PTN: variants seen among roughly 807,000 people sequenced by gnomAD.
PTN encodes pleiotrophin.
A neutral mutation model predicts 24.1 loss-of-function variants in PTN; 18 were observed. The observed-to-expected ratio is 0.75, with a 90% CI of 0.52 to 1.11. The LOEUF is 1.11. Among genes scored for constraint, PTN ranks in the 50% least tolerant of loss-of-function variants. PTN has a pLI of 0.00. For synonymous variants in PTN, 78 were observed against 68.6 expected (o/e 1.14, Z -0.67); for missense variants, 163 against 198.8 (o/e 0.82, Z 1.08).
At chr7:137,267,899 G>T (rs757917522) in intron 1 of PTN, among the ~76,000 whole-genome samples, 1 of 151,996 alleles carries the variant, frequency 6.6e-6, no homozygotes, top group African/African-American at 2.4e-5. Flanking sequence ...GCATACCATG[G>T]GTGATCAGGC....
intron 1 of PTN, among the ~76,000 whole-genome samples, chr7:137,301,307 G>A (rs1175203068): frequency 6.6e-6 from 1 of 151,912 alleles, no homozygotes; most frequent in Non-Finnish European, 1.5e-5. Context: ...GCAGTGTAAA[G>A]ACCACAGGAA....
chr7:137,324,083 A>G (rs1383228902), intron 1 of PTN, among the ~76,000 whole-genome samples: 1 of 152,168 alleles, frequency 6.6e-6, no homozygotes, highest in Non-Finnish European at 1.5e-5. Context: ...GGTCTAGAAC[A>G]TAGAATCTAT....
intron 4 of PTN, chr7:137,236,067 G>A: frequency 1.5e-6 from 1 of 651,480 alleles, no homozygotes; most frequent in East Asian, 2.7e-5. Flanking sequence ...TAGTGAAGAT[G>A]AAATTACTTC....
intron 4 of PTN, among the ~76,000 whole-genome samples, chr7:137,243,737 T>C (rs1808673578): frequency 6.6e-6 from 1 of 152,122 alleles, no homozygotes; most frequent in Non-Finnish European, 1.5e-5. Context: ...GATTGGATAG[T>C]CCCTCAAGAA....
intron 1 of PTN, among the ~76,000 whole-genome samples, chr7:137,257,313 A>G (rs906008395): frequency 6.6e-6 from 1 of 152,190 alleles, no homozygotes; most frequent in Admixed American, 6.5e-5. Context: ...TTGCCCTTAA[A>G]GTAAAAATCG....
At chr7:137,251,156 G>C in intron 4 of PTN, 74 bp downstream of exon 4, 2 of 1,521,324 alleles carry the variant, frequency 1.3e-6, no homozygotes, top group Non-Finnish European at 1.8e-6. Flanking sequence ...TTTCCTTCTG[G>C]AAAATGTGGG....
chr7:137,316,996 T>G (rs1259944251), intron 1 of PTN, among the ~76,000 whole-genome samples: 1 of 152,184 alleles, frequency 6.6e-6, no homozygotes, highest in Non-Finnish European at 1.5e-5. Context: ...GCCTCTCCAT[T>G]GGAGGTGGGG....
chr7:137,295,967 G>T (rs1356995285), intron 1 of PTN, among the ~76,000 whole-genome samples: 1 of 151,970 alleles, frequency 6.6e-6, no homozygotes, highest in Non-Finnish European at 1.5e-5. Context: ...AGGGTCACTA[G>T]TACCTTGAGT....
chr7:137,264,708 T>C (rs1359653433), intron 1 of PTN, among the ~76,000 whole-genome samples: 2 of 152,210 alleles, frequency 1.3e-5, no homozygotes, highest in African/African-American at 4.8e-5. Flanking sequence ...TGCAGGGATT[T>C]TCACAGAGCA....
intron 1 of PTN, among the ~76,000 whole-genome samples, chr7:137,318,262 G>A (rs567502052): frequency 8.5e-5 from 13 of 152,180 alleles, no homozygotes; most frequent in African/African-American, 2.6e-4. Context: ...TGTGAGACTC[G>A]TCTTAATAAT....
At chr7:137,238,884 A>G (rs1395400301) in intron 4 of PTN, among the ~76,000 whole-genome samples, 5 of 152,344 alleles carry the variant, frequency 3.3e-5, no homozygotes, top group African/African-American at 1.2e-4. Context: ...AACTTAAAAC[A>G]CAAGCAGAAA....
At position 137,242,093 on chromosome 7, in the gene PTN, G is replaced by T. The variant is rs988002124; in HGVS notation, c.451+9137C>A. Among the ~76,000 whole-genome samples, 13 of 152,154 alleles carry T rather than the reference G, an allele frequency of 8.5e-5. 1 individual carries two copies. The highest frequency in any genetic ancestry group is 2.2e-4 in the African/African-American group (9 of 41,432). On this transcript the variant is annotated intron_variant, in intron 4 of 4. Coordinates refer to ENST00000348225, the MANE Select transcript of PTN (RefSeq NM_002825.7). ...TTTATCTTTAAAAGAACTAACAAAA[G>T]AATCTATTTAGCTGGGGAGAGAATT...
At position 137,283,952 on chromosome 7, in the gene PTN, A is replaced by ATTTT. The variant is rs753374720; in HGVS notation, c.-1-28982_-1-28979dup. On this transcript the variant is annotated intron_variant, in intron 1 of 4. Transcript: ENST00000348225. ...AAATGAATGTGAAAATGAGCATCAG[A>ATTTT]TTTTTTTTTTTTTTTTTTTTTTTTT... 9.0e-3 allele frequency among the ~76,000 whole-genome samples: 439 copies of ATTTT among 48,918 alleles called. 108 individuals are homozygous for ATTTT. Among genetic ancestry groups the ATTTT allele is most frequent in the East Asian group, 0.03 (39 of 1,294 alleles). 32.1% of individuals were successfully genotyped at this position (48,918 alleles called of 152,430 possible).
chr7:137,245,988 C>T (rs1246056173), intron 4 of PTN, among the ~76,000 whole-genome samples: 1 of 152,108 alleles, frequency 6.6e-6, no homozygotes, highest in Non-Finnish European at 1.5e-5. Context: ...GGTTCATTTA[C>T]TGTTGGAGAA....
At chr7:137,234,409 AT>A (rs1563193948) in intron 4 of PTN, among the ~76,000 whole-genome samples, 1 of 152,140 alleles carries the variant, frequency 6.6e-6, no homozygotes, top group East Asian at 1.9e-4. Flanking sequence ...CGGGAAATTT[AT>A]TTTTTGAAAG....
intron 1 of PTN, among the ~76,000 whole-genome samples, chr7:137,264,959 A>G (rs322308): frequency 0.27 from 41,198 of 150,532 alleles, 6,519 homozygotes; most frequent in African/African-American, 0.44. Context: ...TCTGGGTTAA[A>G]ACTCCAACTG....
Position 137,327,767 on chromosome 7 carries a change from T to C in PTN, c.-2+15672A>G, listed in dbSNP as rs1216826835. 1.6e-4 allele frequency among the ~76,000 whole-genome samples: 24 copies of C among 152,192 alleles called. 1 individual carries two copies. Among genetic ancestry groups the C allele is most frequent in the Admixed American group, 1.4e-3 (22 of 15,260 alleles). On this transcript the variant is annotated intron_variant, in intron 1 of 4. Transcript: ENST00000348225. ...TTCATTTTACATTTGATTTTCCAGC[T>C]CTAAGTCTGCTTTGTCCCCTTTTAT...
chr7:137,308,877 C>A (rs776148811), intron 1 of PTN, among the ~76,000 whole-genome samples: 2 of 152,090 alleles, frequency 1.3e-5, no homozygotes, highest in Non-Finnish European at 2.9e-5. Context: ...ACATTTTGAC[C>A]CCTGACGGGC....
intron 1 of PTN, among the ~76,000 whole-genome samples, chr7:137,327,943 C>T (rs1810289329): frequency 6.6e-6 from 1 of 152,188 alleles, no homozygotes; most frequent in African/African-American, 2.4e-5. Flanking sequence ...TTCAGGCGGA[C>T]ACCTTGTTAT....
Sources: allele counts gnomAD v4.1 joint callset (sites outside exome capture counted in the v4.1 genomes callset), GRCh38; gene constraint gnomAD v4.1.1; transcripts MANE v1.5; gene names NCBI Gene and HGNC (gene_info 2026-07-23, HGNC 2026-07-21).